The following TAF6L variants were observed in gnomAD, a reference collection of about 807,000 sequenced individuals.
The protein encoded by TAF6L is TATA-box binding protein associated factor 6 like.
Under a neutral mutation model 57.3 loss-of-function variants are expected in TAF6L, and 34 were observed. The observed-to-expected ratio is 0.59, with a 90% confidence interval of 0.45 to 0.79. TAF6L has a LOEUF of 0.79. Among genes scored for constraint, TAF6L ranks in the 30% least tolerant of loss-of-function variants. TAF6L has a pLI of 0.00. For synonymous variants in TAF6L, 417 were observed against 376.3 expected, an observed-to-expected ratio of 1.11 and a Z score of -1.25; for missense variants, 782 against 853.2, an observed-to-expected ratio of 0.92 and a Z score of 1.04.
At chr11:62,776,346 A>C in intron 2 of TAF6L, 38 bp from the exon 3 acceptor site, 1 of 1,608,060 alleles carries the variant, frequency 6.2e-7, no homozygotes, top group Non-Finnish European at 8.5e-7. Flanking sequence ...CCCCTGCTTC[A>C]CATCCTTTGA....
rs768347100 is a variant in TAF6L at position 62,787,049 on chromosome 11, C to A, written c.1622C>A (p.Thr541Asn). Residue 541 changes from threonine (T) to asparagine (N), a missense_variant, in exon 11 of 11, where the codon ACC becomes AAC. This residue lies in a region of TAF6L where 483 missense variants were observed against 445.1 expected (regional missense o/e 1.09). Transcript: ENST00000294168. ...RGAPRQQGPG[T>N]GTRDVFQKSR... ...GCACCCCGGCAGCAGGGCCCCGGGA[C>A]CGGCACCCGCGACGTTTTCCAGAAG... The A allele has an allele frequency of 6.6e-7, 1 of 1,522,150 alleles. No individual in the cohort carries two copies. The highest frequency in any genetic ancestry group is 8.8e-7 in the Non-Finnish European group (1 of 1,142,114). The allele number at this position is 1,522,150 out of a possible 1,614,324, so 94.3% of individuals were successfully genotyped here. A position where few individuals can be genotyped will look rare whatever the true frequency, so the allele number is the denominator to read the frequency against.
At chr11:62,780,776 A>T (rs1306049591) in intron 6 of TAF6L, among the ~76,000 whole-genome samples, 1 of 150,010 alleles carries the variant, frequency 6.7e-6, no homozygotes, top group Non-Finnish European at 1.5e-5. Context: ...ATCTACTAAA[A>T]ATACCAGAAA....
rs1478597463 is a variant in TAF6L at position 62,782,155 on chromosome 11, C to T, written c.649C>T (p.Leu217=). ...SHDLEQLHRL[L]QVARSLFRNP... ...TGACCTGGAGCAACTGCACCGGCTG[C>T]TGCAGGTGGCACGGAGCCTATTTCG... Residue 217 remains leucine (L), a synonymous_variant, in exon 8 of 11, where the codon CTG becomes TTG. Transcript: ENST00000294168. 6.2e-7 allele frequency: 1 copy of T among 1,613,450 alleles called. No individual in the cohort carries two copies.
intron 1 of TAF6L, chr11:62,775,534 T>C (rs1031974707): frequency 1.6e-5 from 7 of 449,070 alleles, no homozygotes; most frequent in Middle Eastern, 1.2e-3. Context: ...AGGGCAGGAA[T>C]GGGACCTAGT....
intron 1 of TAF6L, among the ~76,000 whole-genome samples, chr11:62,773,008 AT>A (rs1283108341): frequency 2.2e-4 from 31 of 138,874 alleles, no homozygotes; most frequent in Non-Finnish European, 3.3e-4. Context: ...CTCCTGGGTA[AT>A]TTTTTGTATT....
At chr11:62,781,843 T>C (rs1417463194) in intron 6 of TAF6L, 51 bp from the exon 7 acceptor site, 3 of 1,490,676 alleles carry the variant, frequency 2.0e-6, no homozygotes, top group African/African-American at 1.4e-5. Flanking sequence ...ACCGCATTCA[T>C]GTTTTACAAT....
In TAF6L at chr11:62,787,321, A is replaced by C; in HGVS notation, c.*25A>C. The C allele has an allele frequency of 1.3e-6, 2 of 1,525,444 alleles. No homozygotes were observed. Among genetic ancestry groups the C allele is most frequent in the Non-Finnish European group, 1.7e-6 (2 of 1,143,218 alleles). The allele number at this position is 1,525,444 out of a possible 1,614,324, so 94.5% of individuals were successfully genotyped here. On this transcript the variant is annotated 3_prime_UTR_variant, in exon 11 of 11. Coordinates refer to ENST00000294168, the MANE Select transcript of TAF6L (RefSeq NM_006473.4). ...AGTCAGTGGCCCCTTCGTTCCTTGT[A>C]AATAAATCCCGCCCCCGGAAATGAC...
chr11:62,777,659 G>C (rs980438793), intron 3 of TAF6L, among the ~76,000 whole-genome samples: 2 of 152,194 alleles, frequency 1.3e-5, no homozygotes, highest in African/African-American at 4.8e-5. Flanking sequence ...AGAGAGGAAG[G>C]CTATGTTTAG....
Position 62,782,831 on chromosome 11 carries a change from C to G in TAF6L, c.960+6C>G, listed in dbSNP as rs768412559. The stretch of plus-strand genomic sequence containing the variant: ...TGCATGCTCTTGGCTGGAAGGTGAG[C>G]ACCCTGGCCTTTCTCACACAGCCGT... On this transcript the variant is annotated splice_donor_region_variant and intron_variant, in intron 9 of 10. Coordinates refer to ENST00000294168, the MANE Select transcript of TAF6L (RefSeq NM_006473.4). 57 of 1,613,586 alleles carry G rather than the reference C, an allele frequency of 3.5e-5. No individual in the cohort carries two copies. Among genetic ancestry groups the G allele is most frequent in the Non-Finnish European group, 4.7e-5 (55 of 1,179,776 alleles).
Position 62,782,428 on chromosome 11 carries a change from A to G in TAF6L, c.827+95A>G, listed in dbSNP as rs1352272952. The stretch of plus-strand genomic sequence containing the variant: ...GCGAAGCCTCTGGCTTTGAGAGTCT[A>G]TGAGAAGATGGGGAACCTTTTCCCT... On this transcript the variant is annotated intron_variant, in intron 8 of 10. Transcript: ENST00000294168. 1.0e-5 allele frequency: 14 copies of G among 1,348,386 alleles called. No homozygotes were observed. The African/African-American group carries it at 1.5e-4, about 14-fold the overall frequency. 83.5% of individuals were successfully genotyped at this position (1,348,386 alleles called of 1,614,324 possible). A position where few individuals can be genotyped will look rare whatever the true frequency, so the allele number is the denominator to read the frequency against.
chr11:62,774,732 C>T (rs2084172730), intron 1 of TAF6L: 1 of 448,070 alleles, frequency 2.2e-6, no homozygotes, highest in Non-Finnish European at 4.5e-6. Flanking sequence ...AACACATAGG[C>T]AGAAAGCCCA....
intron 3 of TAF6L, among the ~76,000 whole-genome samples, 196 bp from the exon 4 acceptor site, chr11:62,777,782 G>A (rs2084197779): frequency 6.6e-6 from 1 of 152,198 alleles, no homozygotes; most frequent in Non-Finnish European, 1.5e-5. Flanking sequence ...TCTTTCCCTT[G>A]ACCCAGGGAG....
intron 3 of TAF6L, among the ~76,000 whole-genome samples, chr11:62,777,259 G>A (rs955116357): frequency 5.9e-5 from 9 of 152,020 alleles, no homozygotes; most frequent in Non-Finnish European, 7.4e-5. Flanking sequence ...ACTGGAAGGC[G>A]TAGGTTGCAG....
intron 1 of TAF6L, among the ~76,000 whole-genome samples, chr11:62,772,459 G>A (rs1159772078): frequency 2.0e-5 from 3 of 150,884 alleles, no homozygotes. Context: ...GGAGGCAGAG[G>A]TTGTAGTGAG....
At chr11:62,778,670 A>C in intron 5 of TAF6L, 199 bp from the exon 6 acceptor site, 1 of 616,854 alleles carries the variant, frequency 1.6e-6, no homozygotes. Context: ...GGTGGAAGAC[A>C]GGACAGAGCA....
intron 3 of TAF6L, among the ~76,000 whole-genome samples, 185 bp from the exon 4 acceptor site, chr11:62,777,793 C>T (rs1414764420): frequency 2.6e-5 from 4 of 152,142 alleles, no homozygotes; most frequent in African/African-American, 9.7e-5. Context: ...ACCCAGGGAG[C>T]CCCGGATGCT....
At position 62,786,765 on chromosome 11, in the gene TAF6L, C is replaced by T. The variant is rs768309072; in HGVS notation, c.1338C>T (p.Ala446=). 3 of 1,612,806 alleles carry T rather than the reference C, an allele frequency of 1.9e-6. No individual in the cohort carries two copies. Among genetic ancestry groups the T allele is most frequent in the East Asian group, 2.2e-5 (1 of 44,864 alleles). Residue 446 remains alanine, a synonymous_variant, in exon 11 of 11, where the codon GCC becomes GCT. Coordinates refer to ENST00000294168, the MANE Select transcript of TAF6L (RefSeq NM_006473.4). ...CCGACATCTACCGGGAGCTCTACGCCTTCTTCGGTGACAGCTTGGCCACAC... is the reference window on the plus strand; with the variant it reads ...CCGACATCTACCGGGAGCTCTACGCTTTCTTCGGTGACAGCTTGGCCACAC... ...TLADIYRELY[A]FFGDSLATRF...
intron 9 of TAF6L, 64 bp downstream of exon 9, chr11:62,782,889 T>C: frequency 1.3e-6 from 2 of 1,589,108 alleles, no homozygotes; most frequent in Non-Finnish European, 1.7e-6. Context: ...AAAATAGTAC[T>C]TGTGCATCGT....
chr11:62,779,974 A>ATTT (rs1432226168), intron 6 of TAF6L, among the ~76,000 whole-genome samples: 20 of 74,928 alleles, frequency 2.7e-4, no homozygotes, highest in African/African-American at 9.1e-4. Context: ...ATATATATAT[A>ATTT]TATTTTTTTT....
Sources: allele counts gnomAD v4.1 joint callset (sites outside exome capture counted in the v4.1 genomes callset), GRCh38; gene constraint gnomAD v4.1.1; regional missense constraint gnomAD v4.1.1; transcripts MANE v1.5; gene names NCBI Gene and HGNC (gene_info 2026-07-23, HGNC 2026-07-21).